The following SMARCA2 variants were observed in gnomAD, a reference collection of about 807,000 sequenced individuals.
SMARCA2 encodes the protein SWI/SNF-related matrix-associated actin-dependent regulator of chromatin subfamily A member 2.
SMARCA2 carries 61 observed loss-of-function variants against 199.8 expected under a neutral mutation model. The observed-to-expected ratio is 0.31, with a 90% CI of 0.25 to 0.38. The LOEUF is 0.38. Among genes scored for constraint, SMARCA2 ranks in the 10% least tolerant of loss-of-function variants. The pLI is 1.00. For missense variants in SMARCA2, 1,344 were observed against 2,012.2 expected (o/e 0.67, Z 6.35); for synonymous variants, 935 against 732.0 (o/e 1.28, Z -4.48).
chr9:2,130,753 G>GCA (rs1386957342), intron 27 of SMARCA2, among the ~76,000 whole-genome samples: 1 of 152,090 alleles, frequency 6.6e-6, no homozygotes, highest in Non-Finnish European at 1.5e-5. Flanking sequence ...AATTGCGCAT[G>GCA]CACAAGAAAT....
intron 28 of SMARCA2, among the ~76,000 whole-genome samples, chr9:2,165,982 G>C (rs537351712): frequency 4.6e-5 from 7 of 152,214 alleles, no homozygotes; most frequent in Non-Finnish European, 7.3e-5. Flanking sequence ...CCCTGCTTCA[G>C]AGCAGTTCTT....
intron 1 of SMARCA2, among the ~76,000 whole-genome samples, chr9:2,020,339 C>T (rs1348707928): frequency 6.6e-6 from 1 of 151,872 alleles, no homozygotes; most frequent in African/African-American, 2.4e-5. Context: ...TTTTTGGAAG[C>T]GTTCTTATTA....
Position 2,119,564 on chromosome 9 carries a change from AT to A in SMARCA2, c.3762+30del. The A allele has an allele frequency of 6.9e-7, 1 of 1,443,858 alleles. No individual in the cohort carries two copies. The highest frequency in any genetic ancestry group is 9.7e-7 in the Non-Finnish European group (1 of 1,025,652). The allele number at this position is 1,443,858 out of a possible 1,614,324, so 89.4% of individuals were successfully genotyped here. ...ATGTTACAGAAAATCATGAACACAA[AT>A]GCTTTATACCTCTGCCCCTTTTTCT... On this transcript the variant is annotated intron_variant, in intron 26 of 33. Transcript: ENST00000349721. The surrounding 1 kb of genome is among the most constrained non-coding windows in gnomAD (Gnocchi z 4.6).
rs149852225 is a variant in SMARCA2 at position 2,122,154 on chromosome 9, A to G, written c.3763-1565A>G. Among the ~76,000 whole-genome samples, 741 of 152,316 alleles carry G rather than the reference A, an allele frequency of 4.9e-3. 8 individuals carry two copies. Among genetic ancestry groups the G allele is most frequent in the African/African-American group, 0.017 (700 of 41,570 alleles). Reference sequence around the variant, plus strand: ...AGTGCATAATTTACTTTTCTATCAGAAAAGATTTATTTTCTCAATTGTGGA... The same window carrying G: ...AGTGCATAATTTACTTTTCTATCAGGAAAGATTTATTTTCTCAATTGTGGA... On this transcript the variant is annotated intron_variant, in intron 26 of 33. Transcript: ENST00000349721.
At chr9:2,018,698 C>T (rs899752377) in intron 1 of SMARCA2, among the ~76,000 whole-genome samples, 1 of 152,196 alleles carries the variant, frequency 6.6e-6, no homozygotes, top group Admixed American at 6.5e-5. Flanking sequence ...CGTTGAGTAG[C>T]AGAAAATTTC....
chr9:2,159,205 T>G (rs1432485314), intron 27 of SMARCA2, among the ~76,000 whole-genome samples: 1 of 152,180 alleles, frequency 6.6e-6, no homozygotes, highest in Non-Finnish European at 1.5e-5. Context: ...AAATATCCTT[T>G]TTACAACTCC....
chr9:2,063,878 C>T (rs1181658414), intron 9 of SMARCA2, among the ~76,000 whole-genome samples: 1 of 152,038 alleles, frequency 6.6e-6, no homozygotes, highest in Non-Finnish European at 1.5e-5. Flanking sequence ...CTCATCATTA[C>T]AGACATTTTT....
chr9:2,081,213 T>C (rs1170764133), intron 14 of SMARCA2, among the ~76,000 whole-genome samples: 1 of 152,206 alleles, frequency 6.6e-6, no homozygotes, highest in Non-Finnish European at 1.5e-5. Flanking sequence ...GAATCTCTGG[T>C]ACAGTGTTTT....
At chr9:2,040,899 G>A (rs1819576647) in intron 4 of SMARCA2, 1 of 153,016 alleles carries the variant, frequency 6.5e-6, no homozygotes, top group Admixed American at 6.5e-5. Flanking sequence ...TCTCTAGGAA[G>A]CGTTTTGTTA....
chr9:2,158,880 G>T, intron 27 of SMARCA2: 1 of 1,524,160 alleles, frequency 6.6e-7, no homozygotes. Context: ...AGAACATAAA[G>T]CACTGCATAT....
intron 2 of SMARCA2, among the ~76,000 whole-genome samples, chr9:2,029,972 A>G (rs1818990405): frequency 6.6e-6 from 1 of 152,260 alleles, no homozygotes; most frequent in Non-Finnish European, 1.5e-5. Flanking sequence ...TGAGAAAGTA[A>G]ACAAGATCCT....
chr9:2,180,087 T>C (rs1366680491), intron 29 of SMARCA2, among the ~76,000 whole-genome samples: 2 of 152,098 alleles, frequency 1.3e-5, no homozygotes, highest in African/African-American at 4.8e-5. Context: ...CTCGAAGAGA[T>C]GTGAGGGGTA....
intron 23 of SMARCA2, among the ~76,000 whole-genome samples, chr9:2,109,517 G>C (rs1822898142): frequency 6.6e-6 from 1 of 152,116 alleles, no homozygotes; most frequent in South Asian, 2.1e-4. Context: ...ACCCCATGGG[G>C]CAAACCACCC....
chr9:2,186,778 G>A (rs140690253), intron 32 of SMARCA2, among the ~76,000 whole-genome samples: 9 of 152,258 alleles, frequency 5.9e-5, no homozygotes, highest in Middle Eastern at 3.4e-3. Context: ...CACCCGCCTC[G>A]GCCTCCCAAA....
Position 2,123,784 on chromosome 9 carries a change from G to A in SMARCA2, c.3828G>A (p.Glu1276=). The A allele has an allele frequency of 1.9e-6, 3 of 1,614,070 alleles. No homozygotes were observed. The highest frequency in any genetic ancestry group is 2.5e-6 in the Non-Finnish European group (3 of 1,179,988). Reference sequence around the variant, plus strand: ...CGAAACGGAAGCCCCGTTTAATGGAGGAGGATGAGCTGCCCTCCTGGATCA... The same window carrying A: ...CGAAACGGAAGCCCCGTTTAATGGAAGAGGATGAGCTGCCCTCCTGGATCA... ...RNPKRKPRLM[E]EDELPSWIIK... is the part of the protein sequence containing the mutation. The change falls in exon 27 of 34, where the codon GAG becomes GAA. Residue 1276 remains glutamate (E), a synonymous_variant. Coordinates refer to ENST00000349721, the MANE Select transcript of SMARCA2 (RefSeq NM_003070.5). This position sits in a 1 kb window ranked among gnomAD's most constrained non-coding sequence, Gnocchi z 4.1.
In SMARCA2 at chr9:2,169,465, A is replaced by G. The variant is rs1245493525; in HGVS notation, c.4200-954A>G. The stretch of plus-strand genomic sequence containing the variant: ...TCCCAGCTCTCCTTATATTTCAGAC[A>G]TTCCAAAGAATTCTGTGTATTTTGA... On this transcript the variant is annotated intron_variant, in intron 28 of 33. Coordinates refer to ENST00000349721, the MANE Select transcript of SMARCA2 (RefSeq NM_003070.5). This position sits in a 1 kb window ranked among gnomAD's most constrained non-coding sequence, Gnocchi z 6.5. Among the ~76,000 whole-genome samples the G allele has an allele frequency of 6.6e-6, 1 of 152,126 alleles. No homozygotes were observed. Among genetic ancestry groups the G allele is most frequent in the Non-Finnish European group, 1.5e-5 (1 of 68,036 alleles).
intron 27 of SMARCA2, among the ~76,000 whole-genome samples, chr9:2,139,048 G>T (rs572630187): frequency 2.1e-4 from 32 of 152,292 alleles, no homozygotes; most frequent in African/African-American, 7.5e-4. Flanking sequence ...CTGAAGAGTT[G>T]AGATGAGTCC....
At chr9:2,027,594 G>T (rs929158901) in intron 1 of SMARCA2, 1 of 152,218 alleles carries the variant, frequency 6.6e-6, no homozygotes, top group Admixed American at 6.5e-5. Flanking sequence ...GGGAAACTGA[G>T]CATGGCCTGC....
At chr9:2,188,270 C>CCCAATAAT (rs1827631523) in intron 32 of SMARCA2, among the ~76,000 whole-genome samples, 1 of 152,014 alleles carries the variant, frequency 6.6e-6, no homozygotes, top group Admixed American at 6.6e-5. Flanking sequence ...CAGGCTGTTT[C>CCCAATAAT]CCAATAATGC....
Sources: gnomAD v4.1 joint callset for allele counts (sites outside exome capture counted in the v4.1 genomes callset) on GRCh38, gnomAD v4.1.1 for gene constraint, Gnocchi (gnomAD v3.1) non-coding constraint, MANE v1.5 for transcripts, NCBI Gene and HGNC (gene_info 2026-07-23, HGNC 2026-07-21) for gene names.